Variants in RDH14 observed in about 807,000 individuals in gnomAD.
The protein encoded by RDH14 is retinol dehydrogenase 14, also known as alcohol dehydrogenase PAN2.
A neutral mutation model predicts 19.3 loss-of-function variants in RDH14; 17 were observed. That is an observed-to-expected ratio of 0.88 (90% CI 0.60 to 1.32). RDH14 has a LOEUF of 1.32. RDH14 is among the 40% of genes most tolerant of loss of function. The probability of loss-of-function intolerance (pLI) is 0.00; values close to 1 mark genes in which losing one functional copy is unlikely to be tolerated. For missense variants in RDH14, 534 were observed against 449.2 expected (o/e 1.19, Z -1.71); for synonymous variants, 215 against 188.9 (o/e 1.14, Z -1.13).
Position 18,555,006 on chromosome 2 carries a change from G to T in RDH14, c.*185C>A. 1.4e-6 allele frequency: 1 copy of T among 737,108 alleles called. No individual in the cohort carries two copies. The highest frequency in any genetic ancestry group is 2.1e-6 in the Non-Finnish European group (1 of 479,734). 45.7% of individuals were successfully genotyped at this position (737,108 alleles called of 1,614,324 possible). On this transcript the variant is annotated 3_prime_UTR_variant, in exon 2 of 2. Coordinates refer to ENST00000381249, the MANE Select transcript of RDH14 (RefSeq NM_020905.4). ...TACTATATATATTTAAAACATCTTT[G>T]CTGAAATTCTCTTATCCCAAAAATA...
Position 18,560,479 on chromosome 2 carries a change from G to A in RDH14, c.94C>T (p.Leu32=), listed in dbSNP as rs866943008. ...RRFVGPRVQR[L]RRGGDPGLMH... ...AGGCCGGGGTCCCCGCCTCTGCGCA[G>A]CCGCTGGACCCTGGGCCCCACGAAC... Residue 32 remains leucine, a synonymous_variant, in exon 1 of 2, where the codon CTG becomes TTG. Transcript: ENST00000381249. 4 of 1,513,734 alleles carry A rather than the reference G, an allele frequency of 2.6e-6. No individual in the cohort carries two copies. Among genetic ancestry groups the A allele is most frequent in the South Asian group, 2.4e-5 (2 of 82,170 alleles). 93.8% of individuals were successfully genotyped at this position (1,513,734 alleles called of 1,614,324 possible). A position where few individuals can be genotyped will look rare whatever the true frequency, so the allele number is the denominator to read the frequency against.
chr2:18,556,075 T>A (rs1365912234), intron 1 of RDH14, among the ~76,000 whole-genome samples: 1 of 152,226 alleles, frequency 6.6e-6, no homozygotes, highest in Non-Finnish European at 1.5e-5. Context: ...TTTTTCTCAT[T>A]TATTAAAATG....
At position 18,555,530 on chromosome 2, in the gene RDH14, G is replaced by GT; in HGVS notation, c.671dup (p.Asn224LysfsTer71). The GT allele has an allele frequency of 6.2e-7, 1 of 1,614,176 alleles. No homozygotes were observed. The highest frequency in any genetic ancestry group is 8.5e-7 in the Non-Finnish European group (1 of 1,179,998). The stretch of plus-strand genomic sequence containing the variant: ...GGGCTAGTTCCCTGGTAAAAAGAAT[G>GT]TTAGCCAGTTTGCTCCGGCTATAAC... On this transcript the variant is annotated frameshift_variant, in exon 2 of 2. Coordinates refer to ENST00000381249, the MANE Select transcript of RDH14 (RefSeq NM_020905.4). LOFTEE classifies it high-confidence loss of function.
At position 18,555,067 on chromosome 2, in the gene RDH14, C is replaced by CT. The variant is rs548085699; in HGVS notation, c.*123dup. 2.4e-5 allele frequency: 35 copies of CT among 1,450,588 alleles called. No homozygotes were observed. The African/African-American group carries it at 3.7e-4, about 15-fold the overall frequency. The allele number at this position is 1,450,588 out of a possible 1,614,324, so 89.9% of individuals were successfully genotyped here. On this transcript the variant is annotated 3_prime_UTR_variant, in exon 2 of 2. Transcript: ENST00000381249. ...AACTCCAAAATACCCACATGTACCT[C>CT]TTAGCAGGCTATTCCAATATCAAAA...
intron 1 of RDH14, 62 bp downstream of exon 1, chr2:18,560,118 G>A: frequency 2.7e-6 from 4 of 1,473,156 alleles, no homozygotes; most frequent in African/African-American, 1.5e-5. Context: ...GCCCCAGCCC[G>A]CAGTCCCCTC....
Position 18,560,559 on chromosome 2 carries a change from G to A in RDH14, c.14C>T (p.Thr5Ile). 1.3e-6 allele frequency: 2 copies of A among 1,491,682 alleles called. No homozygotes were observed. Among genetic ancestry groups the A allele is most frequent in the Non-Finnish European group, 1.8e-6 (2 of 1,129,712 alleles). 92.4% of individuals were successfully genotyped at this position (1,491,682 alleles called of 1,614,324 possible). ...CAGAGCGGCCAGTACTGCCGCCGCA[G>A]TGGCCACTGCCATCGTCAGGCCCGA... MAVA[T>I]AAAVLAALGG... is the part of the protein sequence containing the mutation. Residue 5 changes from threonine to isoleucine, a missense_variant, in exon 1 of 2, where the codon ACT becomes ATT. Coordinates refer to ENST00000381249, the MANE Select transcript of RDH14 (RefSeq NM_020905.4).
At chr2:18,560,089 G>A (rs1038788800) in intron 1 of RDH14, 91 bp downstream of exon 1, 37 of 1,377,532 alleles carry the variant, frequency 2.7e-5, no homozygotes, top group Non-Finnish European at 3.6e-5. Flanking sequence ...TGAACCCCAG[G>A]GCGGTCCCTC....
Position 18,555,215 on chromosome 2 carries a change from T to TTCACTGATATCCCAGAGTTTTCTTGC in RDH14, c.961_986dup (p.Val330GlnfsTer10). 6.2e-7 allele frequency: 1 copy of TTCACTGATATCCCAGAGTTTTCTTGC among 1,614,008 alleles called. No individual in the cohort carries two copies. The highest frequency in any genetic ancestry group is 8.5e-7 in the Non-Finnish European group (1 of 1,179,880). On this transcript the variant is annotated frameshift_variant, in exon 2 of 2. Transcript: ENST00000381249. LOFTEE classifies it high-confidence loss of function. The stretch of plus-strand genomic sequence containing the variant: ...CCTATTTTAGCAGGCCAACCATCAC[T>TTCACTGATATCCCAGAGTTTTCTTGC]TCACTGATATCCCAGAGTTTTCTTG...
In RDH14 at chr2:18,560,402, G is replaced by T; in HGVS notation, c.171C>A (p.Arg57=). The T allele has an allele frequency of 6.7e-7, 1 of 1,487,806 alleles. No individual in the cohort carries two copies. 92.2% of individuals were successfully genotyped at this position (1,487,806 alleles called of 1,614,324 possible). A position where few individuals can be genotyped will look rare whatever the true frequency, so the allele number is the denominator to read the frequency against. The stretch of plus-strand genomic sequence containing the variant: ...GGCGCAGTAGCTCGGCGGCCGTGGC[G>T]CGGCCCAGGCCGCTGTTCGCCCCGG... ...LITGANSGLG[R]ATAAELLRLG... The change falls in exon 1 of 2, where the codon CGC becomes CGA. Residue 57 remains arginine, a synonymous_variant. Transcript: ENST00000381249.
chr2:18,555,438 C>T lies in RDH14; in HGVS notation c.764G>A (p.Gly255Glu). ...CAACAGTGGAATGTGTATGTGCCTC[C>T]CCAGATTTGTCCGTACAATACCAGG... is the stretch of plus-strand genomic sequence containing the variant. ...LHPGIVRTNLGRHIHIPLLVK... is the reference protein window; with the variant it reads ...LHPGIVRTNLERHIHIPLLVK... Residue 255 changes from glycine (G) to glutamate (E), a missense_variant, in exon 2 of 2, where the codon GGG (glycine) becomes GAG (glutamate). Physicochemically the swap from Gly to Glu is moderately conservative, Grantham distance 98. Coordinates refer to ENST00000381249, the MANE Select transcript of RDH14 (RefSeq NM_020905.4). 1 of 1,614,044 alleles carries T rather than the reference C, an allele frequency of 6.2e-7. No homozygotes were observed. The highest frequency in any genetic ancestry group is 2.2e-5 in the East Asian group (1 of 44,880).
Position 18,555,594 on chromosome 2 carries a change from T to C in RDH14, c.608A>G (p.Asp203Gly), listed in dbSNP as rs549174341. The stretch of plus-strand genomic sequence containing the variant: ...ATAGCTTTGTTCACTGTTCAAGTCA[T>C]CAAAATTGATGTCTCCGTATTTATA... ...KLYKYGDINF[D>G]DLNSEQSYNK... is the part of the protein sequence containing the mutation. Residue 203 changes from aspartate (D) to glycine (G), a missense_variant, in exon 2 of 2, where the codon GAT (aspartate) becomes GGT (glycine). Transcript: ENST00000381249. The C allele has an allele frequency of 2.3e-5, 37 of 1,614,080 alleles. No homozygotes were observed. In the East Asian group the frequency reaches 5.3e-4, roughly 23 times the overall value.
rs1025701219 is a variant in RDH14, at chr2:18,560,590, C to T, written c.-18G>A. On this transcript the variant is annotated 5_prime_UTR_variant, in exon 1 of 2. Coordinates refer to ENST00000381249, the MANE Select transcript of RDH14 (RefSeq NM_020905.4). ...ACTGCCATCGTCAGGCCCGAGGGCC[C>T]ACCGGCCCCTCCACGGGAGTTCCGC... The T allele has an allele frequency of 2.1e-6, 3 of 1,414,604 alleles. No homozygotes were observed. Among genetic ancestry groups the T allele is most frequent in the Non-Finnish European group, 1.8e-6 (2 of 1,095,894 alleles). The allele number at this position is 1,414,604 out of a possible 1,614,324, so 87.6% of individuals were successfully genotyped here.
rs761156977 is a variant in RDH14, at chr2:18,555,743, A to C, written c.459T>G (p.Thr153=). Residue 153 remains threonine, a synonymous_variant, in exon 2 of 2, where the codon ACT becomes ACG. Coordinates refer to ENST00000381249, the MANE Select transcript of RDH14 (RefSeq NM_020905.4). ...AGIFQCPYMK[T]EDGFEMQFGV... ...CGAACTGCATCTCAAACCCATCTTCAGTCTTCATGTAAGGGCACTGGAAGA... is the reference window on the plus strand; with the variant it reads ...CGAACTGCATCTCAAACCCATCTTCCGTCTTCATGTAAGGGCACTGGAAGA... The C allele has an allele frequency of 1.9e-6, 3 of 1,613,940 alleles. No individual in the cohort carries two copies. The South Asian group carries it at 3.3e-5, about 18-fold the overall frequency.
At position 18,560,367 on chromosome 2, in the gene RDH14, C is replaced by T. The variant is rs1310311920; in HGVS notation, c.206G>A (p.Arg69Gln). ...TAAELLRLGA[R>Q]VIMGCRDRAR... Reference sequence around the variant, plus strand: ...GCGGTCCCGGCAGCCCATGATCACCCGCGCTCCCAGGCGCAGTAGCTCGGC... The same window carrying T: ...GCGGTCCCGGCAGCCCATGATCACCTGCGCTCCCAGGCGCAGTAGCTCGGC... Residue 69 changes from arginine to glutamine, a missense_variant, in exon 1 of 2, where the codon CGG (arginine) becomes CAG (glutamine). Arg to Gln is a conservative substitution (Grantham distance 43). Coordinates refer to ENST00000381249, the MANE Select transcript of RDH14 (RefSeq NM_020905.4). 1.4e-6 allele frequency: 2 copies of T among 1,459,824 alleles called. No individual in the cohort carries two copies. The highest frequency in any genetic ancestry group is 2.7e-5 in the South Asian group (2 of 74,328). 90.4% of individuals were successfully genotyped at this position (1,459,824 alleles called of 1,614,324 possible).
Position 18,555,019 on chromosome 2 carries a change from T to C in RDH14, c.*172A>G. On this transcript the variant is annotated 3_prime_UTR_variant, in exon 2 of 2. Coordinates refer to ENST00000381249, the MANE Select transcript of RDH14 (RefSeq NM_020905.4). Reference sequence around the variant, plus strand: ...TAAAACATCTTTGCTGAAATTCTCTTATCCCAAAAATAATTTTTCAGTAAC... The same window carrying C: ...TAAAACATCTTTGCTGAAATTCTCTCATCCCAAAAATAATTTTTCAGTAAC... 1 of 926,668 alleles carries C rather than the reference T, an allele frequency of 1.1e-6. No individual in the cohort carries two copies. The highest frequency in any genetic ancestry group is 1.5e-6 in the Non-Finnish European group (1 of 646,998). The allele number at this position is 926,668 out of a possible 1,614,324, so 57.4% of individuals were successfully genotyped here.
Position 18,555,801 on chromosome 2 carries a change from G to C in RDH14, c.401C>G (p.Pro134Arg). Reference protein sequence around the residue: ...AFCQEMLQEEPRLDVLINNAG... With the variant: ...AFCQEMLQEERRLDVLINNAG... ...GTTATTGATCAAGACATCCAGCCTA[G>C]GCTCTTCCTTTAAATGTCAAAAAGA... The change falls in exon 2 of 2, where the codon CCT (proline) becomes CGT (arginine). Residue 134 changes from proline to arginine, a missense_variant. By Grantham distance (103) the Pro-to-Arg change is moderately radical. Transcript: ENST00000381249. 1 of 1,596,192 alleles carries C rather than the reference G, an allele frequency of 6.3e-7. No homozygotes were observed.
chr2:18,555,537 A>G lies in RDH14; in HGVS notation c.665T>C (p.Leu222Pro). The change falls in exon 2 of 2, where the codon CTG becomes CCG. Residue 222 changes from leucine (L) to proline (P), a missense_variant. Physicochemically the swap from Leu to Pro is moderately conservative, Grantham distance 98. Transcript: ENST00000381249. ...TTCCCTGGTAAAAAGAATGTTAGCC[A>G]GTTTGCTCCGGCTATAACAAAAGCT... is the stretch of plus-strand genomic sequence containing the variant. ...NKSFCYSRSK[L>P]ANILFTRELA... The G allele has an allele frequency of 6.2e-7, 1 of 1,614,200 alleles. No homozygotes were observed. The highest frequency in any genetic ancestry group is 1.1e-5 in the South Asian group (1 of 91,082).
rs1356520937 is a variant in RDH14 at position 18,554,747 on chromosome 2, A to G, written c.*444T>C. 1 of 168,076 alleles carries G rather than the reference A, an allele frequency of 5.9e-6. No homozygotes were observed. The highest frequency in any genetic ancestry group is 1.3e-5 in the Non-Finnish European group (1 of 77,034). The allele number at this position is 168,076 out of a possible 1,614,324, so 10.4% of individuals were successfully genotyped here. On this transcript the variant is annotated 3_prime_UTR_variant, in exon 2 of 2. Transcript: ENST00000381249. ...GTTAAGAATTTGTACCAGTAAATTT[A>G]TTCCAAGTAAGACTTGTGTGCACAC... is the stretch of plus-strand genomic sequence containing the variant.
At chr2:18,555,870 C>T in intron 1 of RDH14, 62 bp from the exon 2 acceptor site, 1 of 1,514,666 alleles carries the variant, frequency 6.6e-7, no homozygotes, top group Admixed American at 2.2e-5. Flanking sequence ...ATTGCTTTTT[C>T]TGTTCATGAT....
Sources: gnomAD v4.1 joint callset for allele counts (sites outside exome capture counted in the v4.1 genomes callset) on GRCh38, gnomAD v4.1.1 for gene constraint, MANE v1.5 for transcripts, NCBI Gene and HGNC (gene_info 2026-07-23, HGNC 2026-07-21) for gene names.